MACF1: variants seen among roughly 807,000 people sequenced by gnomAD.
MACF1 encodes the protein microtubule-actin cross-linking factor 1.
In MACF1, 193 loss-of-function variants were observed where a neutral mutation model predicts 854.8. That is an observed-to-expected ratio of 0.23 (90% CI 0.20 to 0.25). MACF1 has a LOEUF of 0.25. Among genes scored for constraint, MACF1 ranks in the 10% least tolerant of loss-of-function variants. The pLI is 1.00. For synonymous variants in MACF1, 3,185 were observed against 3,226.7 expected (o/e 0.99, Z 0.44); for missense variants, 7,722 against 8,929.1 (o/e 0.86, Z 5.45).
intron 44 of MACF1, among the ~76,000 whole-genome samples, chr1:39,355,666 A>T (rs938597402): frequency 6.6e-6 from 1 of 151,930 alleles, no homozygotes; most frequent in South Asian, 2.1e-4. Flanking sequence ...GGGTTTCACC[A>T]TGTTGGCCAG....
rs537517469 is a variant in MACF1 at position 39,213,616 on chromosome 1, C to T, written c.109+8485C>T. Among the ~76,000 whole-genome samples, 307 of 152,280 alleles carry T rather than the reference C, an allele frequency of 2.0e-3. 2 individuals are homozygous for T. Among genetic ancestry groups the T allele is most frequent in the African/African-American group, 7.0e-3 (290 of 41,556 alleles). Reference sequence around the variant, plus strand: ...CCTCCTAAAGTGCTAGGATTACAGGCGTGAGCCACTGCACTCAGTCTCACT... The same window carrying T: ...CCTCCTAAAGTGCTAGGATTACAGGTGTGAGCCACTGCACTCAGTCTCACT... On this transcript the variant is annotated intron_variant, in intron 1 of 100. Transcript: ENST00000564288.
At position 39,283,948 on chromosome 1, in the gene MACF1, C is replaced by A. The variant is rs1041355350; in HGVS notation, c.916-118C>A. 5.4e-6 allele frequency: 6 copies of A among 1,117,870 alleles called. No individual in the cohort carries two copies. In the African/African-American group the frequency reaches 9.4e-5, roughly 17 times the overall value. 69.2% of individuals were successfully genotyped at this position (1,117,870 alleles called of 1,614,324 possible). A position where few individuals can be genotyped will look rare whatever the true frequency, so the allele number is the denominator to read the frequency against. On this transcript the variant is annotated intron_variant, in intron 9 of 100. Transcript: ENST00000564288. This position sits in a 1 kb window ranked among gnomAD's most constrained non-coding sequence, Gnocchi z 4.5. ...GTACTGTGAGCATTAAACTGAGCAGCATCTAGGCAATTAAAGGAAATGGAT... is the reference window on the plus strand; with the variant it reads ...GTACTGTGAGCATTAAACTGAGCAGAATCTAGGCAATTAAAGGAAATGGAT...
chr1:39,269,436 T>C (rs1369642864), intron 6 of MACF1: 3 of 1,289,820 alleles, frequency 2.3e-6, no homozygotes, highest in African/African-American at 1.5e-5. Flanking sequence ...TGTTTCTTCA[T>C]TACTACTGGA....
intron 2 of MACF1, among the ~76,000 whole-genome samples, chr1:39,115,674 A>G (rs1642526130): frequency 6.6e-6 from 1 of 152,148 alleles, no homozygotes; most frequent in African/African-American, 2.4e-5. Flanking sequence ...CAGCTTATCA[A>G]ACCACAGCCA....
Position 39,332,823 on chromosome 1 carries a change from C to G in MACF1, c.6235C>G (p.Gln2079Glu). Residue 2079 changes from glutamine to glutamate, a missense_variant, in exon 37 of 101, where the codon CAG (glutamine) becomes GAG (glutamate). Physicochemically the swap from Gln to Glu is conservative, Grantham distance 29. Transcript: ENST00000564288. ...AGATTCTTCTGTAGAGAACCCTGAA[C>G]AGGATCTGTTTGTAGAACAAAAAGA... ...TEDSSVENPE[Q>E]DLFVEQKERN... 6.2e-7 allele frequency: 1 copy of G among 1,614,074 alleles called. No homozygotes were observed. Among genetic ancestry groups the G allele is most frequent in the African/African-American group, 1.3e-5 (1 of 75,010 alleles).
intron 43 of MACF1, among the ~76,000 whole-genome samples, chr1:39,351,878 A>AT (rs1268945923): frequency 4.6e-5 from 7 of 152,108 alleles, no homozygotes; most frequent in African/African-American, 1.7e-4. Context: ...GTGAGTCACC[A>AT]TGCCTGGCCA....
rs1328306632 is a variant in MACF1, at chr1:39,442,337, A to G, written c.18948+17A>G. 1 of 1,598,290 alleles carries G rather than the reference A, an allele frequency of 6.3e-7. No individual in the cohort carries two copies. The highest frequency in any genetic ancestry group is 1.1e-5 in the South Asian group (1 of 88,822). ...CACCGACAGGTAAGGCAGGTGGTAG[A>G]TGACATCAGTGAACTACTCTCCGCT... On this transcript the variant is annotated intron_variant, in intron 76 of 100. Transcript: ENST00000564288.
At position 39,334,133 on chromosome 1, in the gene MACF1, ACTTT is replaced by A. The variant is rs751853626; in HGVS notation, c.7548_7551del (p.Ser2517LeufsTer9). ...TCATTCACCATATATCTGGGATGAG[ACTTT>A]CTGTTGATAATGCCTTCAGACATGG... On this transcript the variant is annotated frameshift_variant, in exon 37 of 101. Transcript: ENST00000564288. LOFTEE classifies it high-confidence loss of function. 6.2e-7 allele frequency: 1 copy of A among 1,614,150 alleles called. No individual in the cohort carries two copies. Among genetic ancestry groups the A allele is most frequent in the Non-Finnish European group, 8.5e-7 (1 of 1,180,022 alleles).
intron 34 of MACF1, 24 bp from the exon 35 acceptor site, chr1:39,324,622 T>C (rs1646575369): frequency 1.3e-6 from 2 of 1,569,546 alleles, no homozygotes; most frequent in African/African-American, 2.7e-5. Flanking sequence ...TTTGAAGCTT[T>C]TTCTCTTTAT....
intron 45 of MACF1, 130 bp from the exon 46 acceptor site, chr1:39,358,567 G>T: frequency 1.3e-6 from 1 of 788,780 alleles, no homozygotes; most frequent in Non-Finnish European, 2.1e-6. Context: ...TCTATCCATG[G>T]GTTCTGGCAA....
chr1:39,413,018 A>T, intron 58 of MACF1: 1 of 1,584,098 alleles, frequency 6.3e-7, no homozygotes, highest in South Asian at 1.1e-5. Flanking sequence ...TCTGTCCCTG[A>T]AGGGACTGCT....
At chr1:39,149,160 G>A (rs1261779108) in intron 2 of MACF1, among the ~76,000 whole-genome samples, 3 of 152,156 alleles carry the variant, frequency 2.0e-5, no homozygotes, top group Non-Finnish European at 4.4e-5. Flanking sequence ...AGGATGACTG[G>A]GAGAGGTATT....
intron 2 of MACF1, among the ~76,000 whole-genome samples, chr1:39,248,520 A>G (rs1447853835): frequency 1.3e-5 from 2 of 151,912 alleles, no homozygotes; most frequent in African/African-American, 4.8e-5. Context: ...CTCTACTTTC[A>G]GAGCTACTTT....
intron 2 of MACF1, among the ~76,000 whole-genome samples, chr1:39,247,073 T>TTC (rs1644989634): frequency 7.1e-6 from 1 of 141,488 alleles, no homozygotes; most frequent in African/African-American, 2.6e-5. Context: ...GGCTAATTTT[T>TTC]TTTTTTTTTT....
intron 47 of MACF1, among the ~76,000 whole-genome samples, chr1:39,360,304 G>A (rs1369453645): frequency 2.6e-5 from 4 of 151,542 alleles, no homozygotes; most frequent in African/African-American, 9.7e-5. Context: ...TACCACTTAA[G>A]ATTTGATTTT....
chr1:39,137,285 G>C (rs967662748), intron 2 of MACF1, among the ~76,000 whole-genome samples: 1 of 152,216 alleles, frequency 6.6e-6, no homozygotes, highest in African/African-American at 2.4e-5. Flanking sequence ...GGCCAGGCTG[G>C]TCTCGAACTT....
In MACF1 at chr1:39,295,784, C is replaced by T. The variant is rs1458486408; in HGVS notation, c.2260-3C>T. 4 of 1,610,318 alleles carry T rather than the reference C, an allele frequency of 2.5e-6. No homozygotes were observed. Among genetic ancestry groups the T allele is most frequent in the Non-Finnish European group, 3.4e-6 (4 of 1,177,926 alleles). On this transcript the variant is annotated splice_region_variant and splice_polypyrimidine_tract_variant and intron_variant, in intron 19 of 100. Transcript: ENST00000564288. The stretch of plus-strand genomic sequence containing the variant: ...CTTCTGTCTGTGTGCTTGTTTATTG[C>T]AGGCTTACAGTGCTGCTGTCCAGTC...
chr1:39,341,143 C>T (rs1400871294), intron 40 of MACF1, among the ~76,000 whole-genome samples, 190 bp downstream of exon 40: 3 of 151,500 alleles, frequency 2.0e-5, no homozygotes, highest in Non-Finnish European at 1.5e-5. Flanking sequence ...AAGCGATTCT[C>T]CTGCCTCAGC....
At chr1:39,481,645 A>T (rs1358732511) in intron 99 of MACF1, among the ~76,000 whole-genome samples, 1 of 152,248 alleles carries the variant, frequency 6.6e-6, no homozygotes, top group East Asian at 1.9e-4. Context: ...ACATGCCAGC[A>T]ATTAAGCATG....
Sources: allele counts gnomAD v4.1 joint callset (sites outside exome capture counted in the v4.1 genomes callset), GRCh38; gene constraint gnomAD v4.1.1; non-coding constraint Gnocchi (gnomAD v3.1); transcripts MANE v1.5; gene names NCBI Gene and HGNC (gene_info 2026-07-23, HGNC 2026-07-21).